ITGB6: variants seen among roughly 807,000 people sequenced by gnomAD.
The protein encoded by ITGB6 is integrin subunit beta 6.
A neutral mutation model predicts 84.5 loss-of-function variants in ITGB6; 80 were observed. That is an observed-to-expected ratio of 0.95 (90% CI 0.79 to 1.14). The LOEUF is 1.14. ITGB6 is among the 50% of genes most tolerant of loss of function. The pLI, the probability that ITGB6 is intolerant of heterozygous loss-of-function variation, is 0.00. For missense variants in ITGB6, 1,006 were observed against 968.0 expected, an observed-to-expected ratio of 1.04 and a Z score of -0.52; for synonymous variants, 383 against 354.9, an observed-to-expected ratio of 1.08 and a Z score of -0.89.
chr2:160,145,804 C>T (rs1231203230), intron 7 of ITGB6, among the ~76,000 whole-genome samples: 2 of 152,286 alleles, frequency 1.3e-5, no homozygotes, highest in African/African-American at 4.8e-5. Context: ...CCTTGCAGAG[C>T]CTCTCTGGCT....
chr2:160,158,156 C>A (rs1684695836), intron 7 of ITGB6, among the ~76,000 whole-genome samples: 1 of 152,182 alleles, frequency 6.6e-6, no homozygotes, highest in African/African-American at 2.4e-5. Context: ...TGTCAGCATT[C>A]CATAGGCAGG....
rs189147770 is a variant in ITGB6, at chr2:160,184,640, T to G, written c.594-10501A>C. ...CCTAACTCATTTTATGAGGCCAGCA[T>G]CATCCTAATACACAAGCCTGGCAGA... On this transcript the variant is annotated intron_variant, in intron 4 of 14. Coordinates refer to ENST00000283249, the MANE Select transcript of ITGB6 (RefSeq NM_000888.5). Among the ~76,000 whole-genome samples the G allele has an allele frequency of 2.1e-3, 323 of 152,270 alleles. 1 individual carries two copies. Among genetic ancestry groups the G allele is most frequent in the African/African-American group, 7.5e-3 (312 of 41,558 alleles).
In ITGB6 at chr2:160,107,667, G is replaced by A; in HGVS notation, c.2268+12C>T. On this transcript the variant is annotated intron_variant, in intron 14 of 14. Coordinates refer to ENST00000283249, the MANE Select transcript of ITGB6 (RefSeq NM_000888.5). ...TCCCCTAGACAAGGAGTAGCCCTAA[G>A]TTTCCACATACCGTTTGCCACTTGG... The A allele has an allele frequency of 1.2e-6, 2 of 1,613,526 alleles. No homozygotes were observed. The highest frequency in any genetic ancestry group is 1.7e-6 in the Non-Finnish European group (2 of 1,179,534).
chr2:160,162,494 G>A (rs2105854074), intron 7 of ITGB6, among the ~76,000 whole-genome samples: 1 of 152,290 alleles, frequency 6.6e-6, no homozygotes, highest in South Asian at 2.1e-4. Flanking sequence ...CTAGACCAGA[G>A]TTGGGCAGTT....
rs565282068 is a variant in ITGB6 at position 160,099,730 on chromosome 2, C to T, written c.*2006G>A. The T allele has an allele frequency of 6.6e-6, 1 of 152,116 alleles. No individual in the cohort carries two copies. The highest frequency in any genetic ancestry group is 2.1e-4 in the South Asian group (1 of 4,822). The allele number at this position is 152,116 out of a possible 1,614,324, so 9.4% of individuals were successfully genotyped here. On this transcript the variant is annotated 3_prime_UTR_variant, in exon 15 of 15. Coordinates refer to ENST00000283249, the MANE Select transcript of ITGB6 (RefSeq NM_000888.5). ...ACACAAAATACAATAATAAACACGACAAAACCATTTTATCTTCATGTAACA... is the reference window on the plus strand; with the variant it reads ...ACACAAAATACAATAATAAACACGATAAAACCATTTTATCTTCATGTAACA...
At chr2:160,196,795 C>G (rs1438158051) in intron 2 of ITGB6, among the ~76,000 whole-genome samples, 2 of 152,038 alleles carry the variant, frequency 1.3e-5, no homozygotes, top group Non-Finnish European at 2.9e-5. Context: ...TTGACATCAT[C>G]CCATGAATTT....
intron 8 of ITGB6, 62 bp from the exon 9 acceptor site, chr2:160,138,261 A>T: frequency 6.8e-7 from 1 of 1,464,000 alleles, no homozygotes; most frequent in Non-Finnish European, 9.1e-7. Flanking sequence ...CCAGAAGAAG[A>T]AACCGTGAAT....
At chr2:160,169,623 T>C (rs546660247) in intron 6 of ITGB6, among the ~76,000 whole-genome samples, 2 of 152,338 alleles carry the variant, frequency 1.3e-5, no homozygotes, top group East Asian at 1.9e-4. Flanking sequence ...TTTTCAAGGG[T>C]AGACAAACAT....
chr2:160,187,175 A>G (rs547290316), intron 4 of ITGB6, among the ~76,000 whole-genome samples: 5 of 152,326 alleles, frequency 3.3e-5, no homozygotes, highest in African/African-American at 9.6e-5. Context: ...TCTGATGAGA[A>G]TGGTAATGAT....
At chr2:160,198,550 G>C (rs1686432573) in intron 2 of ITGB6, among the ~76,000 whole-genome samples, 1 of 152,166 alleles carries the variant, frequency 6.6e-6, no homozygotes, top group Non-Finnish European at 1.5e-5. Flanking sequence ...AGTGTCTTAG[G>C]ATGGCTTGGT....
At chr2:160,104,494 C>T (rs955695215) in intron 14 of ITGB6, among the ~76,000 whole-genome samples, 1 of 152,184 alleles carries the variant, frequency 6.6e-6, no homozygotes, top group Non-Finnish European at 1.5e-5. Context: ...GGCTGATTCC[C>T]CCAGGTGTCT....
rs1696719868 is a variant in ITGB6 at position 160,101,568 on chromosome 2, T to C, written c.*168A>G. 1.6e-6 allele frequency: 1 copy of C among 613,848 alleles called. No homozygotes were observed. Among genetic ancestry groups the C allele is most frequent in the Non-Finnish European group, 2.9e-6 (1 of 347,958 alleles). 38.0% of individuals were successfully genotyped at this position (613,848 alleles called of 1,614,324 possible). ...AAGGATATTTCTCTTCTTGATTATT[T>C]TGAAACTGCCAACAGTCTGTCACCT... On this transcript the variant is annotated 3_prime_UTR_variant, in exon 15 of 15. Transcript: ENST00000283249.
chr2:160,116,310 T>A (rs1282528304), intron 12 of ITGB6, among the ~76,000 whole-genome samples: 1 of 151,274 alleles, frequency 6.6e-6, no homozygotes, highest in East Asian at 1.9e-4. Context: ...TAACAGCTGA[T>A]CTCTTGGCAG....
intron 4 of ITGB6, among the ~76,000 whole-genome samples, chr2:160,183,747 A>T (rs963383754): frequency 2.0e-4 from 30 of 152,102 alleles, no homozygotes; most frequent in African/African-American, 7.0e-4. Flanking sequence ...GAAGTAAAAC[A>T]CTCCTCAGCA....
In ITGB6 at chr2:160,142,021, G is replaced by C; in HGVS notation, c.1068C>G (p.Asp356Glu). The change falls in exon 8 of 15, where the codon GAC becomes GAG. Residue 356 changes from aspartate to glutamate, a missense_variant. Asp to Glu is a conservative substitution (Grantham distance 45). Coordinates refer to ENST00000283249, the MANE Select transcript of ITGB6 (RefSeq NM_000888.5). ...TGATCAGCTGGAGAATGTTTCCGGA[G>C]TCCTTCTGAAGTAGACCTACTGTAG... ...PGATVGLLQK[D>E]SGNILQLIIS... 1 of 1,610,482 alleles carries C rather than the reference G, an allele frequency of 6.2e-7. No individual in the cohort carries two copies. The highest frequency in any genetic ancestry group is 2.2e-5 in the East Asian group (1 of 44,734).
At chr2:160,172,529 C>T (rs1201853806) in intron 6 of ITGB6, 40 bp downstream of exon 6, 1 of 1,533,612 alleles carries the variant, frequency 6.5e-7, no homozygotes, top group African/African-American at 1.3e-5. Context: ...CGTTCTCCTA[C>T]TTATAGCCCT....
chr2:160,176,163 A>T (rs1437305301), intron 4 of ITGB6, among the ~76,000 whole-genome samples: 2 of 152,088 alleles, frequency 1.3e-5, no homozygotes, highest in Non-Finnish European at 2.9e-5. Context: ...CAAGACGACC[A>T]CCCCAGAATG....
Position 160,182,147 on chromosome 2 carries a change from C to T in ITGB6, c.594-8008G>A, listed in dbSNP as rs112217290. On this transcript the variant is annotated intron_variant, in intron 4 of 14. Transcript: ENST00000283249. ...AAAACTGGACAGAGAATGAGTCTGA[C>T]GAATTGACAGAAGTAGGCTTCAGAA... 8.0e-3 allele frequency among the ~76,000 whole-genome samples: 1,211 copies of T among 152,186 alleles called. 20 individuals carry two copies. The highest frequency in any genetic ancestry group is 0.028 in the African/African-American group (1,167 of 41,522).
chr2:160,139,455 C>A lies in ITGB6; in HGVS notation c.1108-1256G>T, dbSNP rs183459060. Among the ~76,000 whole-genome samples, 438 of 151,864 alleles carry A rather than the reference C, an allele frequency of 2.9e-3. 1 individual carries two copies. The highest frequency in any genetic ancestry group is 4.6e-3 in the Non-Finnish European group (312 of 67,936). ...TTTGCCAAATGTATAGTAAAATGAC[C>A]CTGCCTTCCTCCAAAATCTGTTTAT... On this transcript the variant is annotated intron_variant, in intron 8 of 14. Coordinates refer to ENST00000283249, the MANE Select transcript of ITGB6 (RefSeq NM_000888.5).
Sources: allele counts gnomAD v4.1 joint callset (sites outside exome capture counted in the v4.1 genomes callset), GRCh38; gene constraint gnomAD v4.1.1; transcripts MANE v1.5; gene names NCBI Gene and HGNC (gene_info 2026-07-23, HGNC 2026-07-21).